Variants in SMG7 observed in about 807,000 individuals in gnomAD.
SMG7 encodes the protein nonsense-mediated mRNA decay factor SMG7.
A neutral mutation model predicts 148.2 loss-of-function variants in SMG7; 34 were observed. The ratio of observed to expected loss-of-function variants is 0.23; its 90% confidence interval spans 0.17 to 0.31. The LOEUF is 0.31. Among genes scored for constraint, SMG7 ranks in the 10% least tolerant of loss-of-function variants. SMG7 has a pLI of 1.00. For synonymous variants in SMG7, 492 were observed against 515.1 expected (o/e 0.96, Z 0.61); for missense variants, 1,114 against 1,408.4 (o/e 0.79, Z 3.35).
rs144835952 is a variant in SMG7 at position 183,546,095 on chromosome 1, T to C, written c.2500T>C (p.Ser834Pro). 4.3e-6 allele frequency: 7 copies of C among 1,613,812 alleles called. No homozygotes were observed. The Admixed American group carries it at 6.7e-5, about 15-fold the overall frequency. Residue 834 changes from serine (S) to proline (P), a missense_variant, in exon 17 of 23, where the codon TCA becomes CCA. This residue lies in a region of SMG7 where 788 missense variants were observed against 894.5 expected (regional missense o/e 0.88). Coordinates refer to ENST00000688051, the MANE Select transcript of SMG7 (RefSeq NM_001375584.1). Reference sequence around the variant, plus strand: ...AGACCCCATAAAACTGTTTGAGCCGTCATTGCAACCTCCTGTAATGCAGCA... The same window carrying C: ...AGACCCCATAAAACTGTTTGAGCCGCCATTGCAACCTCCTGTAATGCAGCA... ...TQDPIKLFEPSLQPPVMQQQP... is the reference protein window; with the variant it reads ...TQDPIKLFEPPLQPPVMQQQP...
chr1:183,532,877 T>C (rs980635716), intron 8 of SMG7, among the ~76,000 whole-genome samples: 1 of 152,196 alleles, frequency 6.6e-6, no homozygotes, highest in Non-Finnish European at 1.5e-5. Flanking sequence ...TCAAAGACTT[T>C]TGTCAGGTCA....
At chr1:183,550,434 C>T (rs1444378042) in intron 20 of SMG7, among the ~76,000 whole-genome samples, 1 of 152,138 alleles carries the variant, frequency 6.6e-6, no homozygotes, top group Non-Finnish European at 1.5e-5. Flanking sequence ...TTAAGGTTAG[C>T]AAATTCTTTC....
chr1:183,492,541 T>G (rs967098963), intron 1 of SMG7, among the ~76,000 whole-genome samples: 1 of 152,234 alleles, frequency 6.6e-6, no homozygotes, highest in Non-Finnish European at 1.5e-5. Context: ...TTTTTGCATT[T>G]CCAGATAAAT....
At chr1:183,495,778 G>T (rs895984419) in intron 1 of SMG7, among the ~76,000 whole-genome samples, 1 of 151,900 alleles carries the variant, frequency 6.6e-6, no homozygotes, top group African/African-American at 2.4e-5. Context: ...TAAGACAAGA[G>T]AATCGCTTGA....
At chr1:183,501,794 A>G (rs934949278) in intron 1 of SMG7, among the ~76,000 whole-genome samples, 6 of 152,198 alleles carry the variant, frequency 3.9e-5, no homozygotes, top group African/African-American at 1.4e-4. Context: ...AGAATCGAAA[A>G]ACGTGACATT....
chr1:183,484,943 T>C (rs930942672), intron 1 of SMG7, among the ~76,000 whole-genome samples: 2 of 152,182 alleles, frequency 1.3e-5, no homozygotes, highest in Admixed American at 1.3e-4. Flanking sequence ...AGTTCTGACA[T>C]TGAGGCTTGT....
At chr1:183,507,056 T>C (rs1454718244) in intron 1 of SMG7, among the ~76,000 whole-genome samples, 7 of 151,928 alleles carry the variant, frequency 4.6e-5, no homozygotes, top group Non-Finnish European at 1.0e-4. Context: ...TTTTTGTATT[T>C]TTAGTAGAGA....
intron 3 of SMG7, among the ~76,000 whole-genome samples, chr1:183,517,403 G>T (rs531837349): frequency 1.3e-5 from 2 of 152,224 alleles, no homozygotes; most frequent in East Asian, 3.9e-4. Flanking sequence ...TTTCTACCGG[G>T]ATTCCTAAAT....
chr1:183,518,207 C>T (rs1395658959), intron 4 of SMG7, among the ~76,000 whole-genome samples: 1 of 151,978 alleles, frequency 6.6e-6, no homozygotes, highest in Non-Finnish European at 1.5e-5. Context: ...CTCAGCCTAC[C>T]AAAGTGCTGG....
At chr1:183,534,821 C>A (rs984343462) in intron 10 of SMG7, among the ~76,000 whole-genome samples, 4 of 151,518 alleles carry the variant, frequency 2.6e-5, no homozygotes, top group Admixed American at 6.6e-5. Flanking sequence ...GAGCTGAGAT[C>A]GCGCCATTGT....
chr1:183,519,681 T>C lies in SMG7; in HGVS notation c.312+1861T>C, dbSNP rs1048812272. Reference sequence around the variant, plus strand: ...CATTAATCCTCCCATTCTGGATAAATTGCCACTTTAATATATACTCTTCTT... The same window carrying C: ...CATTAATCCTCCCATTCTGGATAAACTGCCACTTTAATATATACTCTTCTT... On this transcript the variant is annotated intron_variant, in intron 4 of 22. Transcript: ENST00000688051. Among the ~76,000 whole-genome samples the C allele has an allele frequency of 6.6e-5, 10 of 152,314 alleles. 1 individual carries two copies. The highest frequency in any genetic ancestry group is 3.3e-4 in the Admixed American group (5 of 15,298).
chr1:183,482,637 CTTA>C (rs1654452625), intron 1 of SMG7, among the ~76,000 whole-genome samples: 2 of 152,032 alleles, frequency 1.3e-5, no homozygotes, highest in African/African-American at 4.8e-5. Context: ...GTTCACATAA[CTTA>C]TTATAGCTTA....
intron 8 of SMG7, 31 bp downstream of exon 8, chr1:183,529,564 T>C (rs1275467697): frequency 1.3e-6 from 2 of 1,592,910 alleles, no homozygotes; most frequent in Non-Finnish European, 1.7e-6. Flanking sequence ...AATTTTTGTC[T>C]TGTCTAAATC....
chr1:183,488,252 C>A (rs1655993249), intron 1 of SMG7, among the ~76,000 whole-genome samples: 1 of 152,150 alleles, frequency 6.6e-6, no homozygotes, highest in Non-Finnish European at 1.5e-5. Flanking sequence ...TCTTTCACTC[C>A]AGAAGGTTAT....
intron 4 of SMG7, among the ~76,000 whole-genome samples, chr1:183,520,914 A>AT (rs1318299195): frequency 6.6e-6 from 1 of 152,106 alleles, no homozygotes; most frequent in African/African-American, 2.4e-5. Flanking sequence ...ACTCTCTGAA[A>AT]TTTTTTTAAA....
intron 5 of SMG7, 124 bp downstream of exon 5, chr1:183,526,891 C>A: frequency 1.3e-6 from 1 of 744,816 alleles, no homozygotes; most frequent in Non-Finnish European, 2.0e-6. Flanking sequence ...TAAGAAGAAA[C>A]TATAAAATGT....
Position 183,550,941 on chromosome 1 carries a change from G to A in SMG7, c.3304+20G>A. The A allele has an allele frequency of 6.2e-7, 1 of 1,613,988 alleles. No individual in the cohort carries two copies. Among genetic ancestry groups the A allele is most frequent in the Non-Finnish European group, 8.5e-7 (1 of 1,179,896 alleles). Reference sequence around the variant, plus strand: ...AGCCAGGTGAGATCTACATTTCATTGCCAGGCAAAATTGAAAGAATTTACT... The same window carrying A: ...AGCCAGGTGAGATCTACATTTCATTACCAGGCAAAATTGAAAGAATTTACT... On this transcript the variant is annotated intron_variant, in intron 21 of 22. Transcript: ENST00000688051.
rs540976745 is a variant in SMG7 at position 183,542,722 on chromosome 1, C to T, written c.1842+220C>T. On this transcript the variant is annotated intron_variant, in intron 14 of 22. Transcript: ENST00000688051. ...AAATCTCAGCCTGATTTGACACTTTCGTCAGTCTTCACCAATTTAAGCAGT... is the reference window on the plus strand; with the variant it reads ...AAATCTCAGCCTGATTTGACACTTTTGTCAGTCTTCACCAATTTAAGCAGT... Among the ~76,000 whole-genome samples, 185 of 152,086 alleles carry T rather than the reference C, an allele frequency of 1.2e-3. 2 individuals are homozygous for T. The highest frequency in any genetic ancestry group is 2.4e-3 in the Non-Finnish European group (164 of 67,948).
intron 14 of SMG7, among the ~76,000 whole-genome samples, chr1:183,542,927 A>ATGTGTGTGTGTGTGTG (rs3979479): frequency 4.7e-5 from 4 of 85,158 alleles, no homozygotes; most frequent in African/African-American, 1.5e-4. Flanking sequence ...ATATATATAT[A>ATGTGTGTGTGTGTGTG]TGTGTGTGTG....
Sources: allele counts gnomAD v4.1 joint callset (sites outside exome capture counted in the v4.1 genomes callset), GRCh38; gene constraint gnomAD v4.1.1; regional missense constraint gnomAD v4.1.1; transcripts MANE v1.5; gene names NCBI Gene and HGNC (gene_info 2026-07-23, HGNC 2026-07-21).